Variants in CNTNAP5 observed in about 807,000 individuals in gnomAD.
CNTNAP5 encodes the protein contactin associated protein family member 5, also known as contactin-associated protein-like 5.
CNTNAP5 carries 72 observed loss-of-function variants against 150.2 expected under a neutral mutation model. The ratio of observed to expected loss-of-function variants is 0.48; its 90% CI spans 0.40 to 0.58. The LOEUF is 0.58. Among genes scored for constraint, CNTNAP5 ranks in the 20% least tolerant of loss-of-function variants. The pLI is 0.00. For synonymous variants in CNTNAP5, 672 were observed against 619.8 expected, an observed-to-expected ratio of 1.08 and a Z score of -1.25; for missense variants, 1,636 against 1,626.2, an observed-to-expected ratio of 1.01 and a Z score of -0.10.
intron 3 of CNTNAP5, among the ~76,000 whole-genome samples, chr2:124,295,551 T>C (rs1206091659): frequency 6.6e-6 from 1 of 152,122 alleles, no homozygotes; most frequent in Non-Finnish European, 1.5e-5. Context: ...GATCTTCTTC[T>C]GTCTGTGTAT....
intron 13 of CNTNAP5, among the ~76,000 whole-genome samples, chr2:124,712,692 A>T (rs750284860): frequency 6.6e-6 from 1 of 152,104 alleles, no homozygotes; most frequent in Non-Finnish European, 1.5e-5. Flanking sequence ...GTTCACTAAC[A>T]GTGCCTTCTT....
At chr2:124,316,655 A>C (rs1245396883) in intron 3 of CNTNAP5, among the ~76,000 whole-genome samples, 1 of 151,772 alleles carries the variant, frequency 6.6e-6, no homozygotes, top group Non-Finnish European at 1.5e-5. Flanking sequence ...AATACAAAAA[A>C]TTAGCCGGGA....
rs1324359711 is a variant in CNTNAP5, at chr2:124,390,448, C to T, written c.382-26995C>T. On this transcript the variant is annotated intron_variant, in intron 3 of 23. Coordinates refer to ENST00000682447, the MANE Select transcript of CNTNAP5 (RefSeq NM_001367498.1). ...CCTGTCCCTGCTTCTTTCAGTGGGACGTCACTGGCTAGCCCCAATCTGATA... is the reference window on the plus strand; with the variant it reads ...CCTGTCCCTGCTTCTTTCAGTGGGATGTCACTGGCTAGCCCCAATCTGATA... 3.3e-5 allele frequency among the ~76,000 whole-genome samples: 5 copies of T among 152,118 alleles called. No homozygotes were observed. In the East Asian group the frequency reaches 5.8e-4, roughly 18 times the overall value.
intron 21 of CNTNAP5, among the ~76,000 whole-genome samples, chr2:124,881,816 T>C (rs903059700): frequency 6.6e-6 from 1 of 152,124 alleles, no homozygotes; most frequent in Non-Finnish European, 1.5e-5. Context: ...TCAATATTCT[T>C]ATCACTCCCA....
intron 3 of CNTNAP5, among the ~76,000 whole-genome samples, chr2:124,299,753 A>C (rs888345770): frequency 2.6e-5 from 4 of 152,142 alleles, no homozygotes; most frequent in Non-Finnish European, 5.9e-5. Context: ...CCAAACTCTC[A>C]ATGTTGAATG....
At chr2:124,422,447 C>G (rs925189346) in intron 4 of CNTNAP5, among the ~76,000 whole-genome samples, 3 of 152,188 alleles carry the variant, frequency 2.0e-5, no homozygotes, top group Non-Finnish European at 4.4e-5. Flanking sequence ...CTTTATCAGT[C>G]TTGTATTTGT....
At chr2:124,071,705 T>C (rs1682308682) in intron 1 of CNTNAP5, among the ~76,000 whole-genome samples, 3 of 151,730 alleles carry the variant, frequency 2.0e-5, no homozygotes. Context: ...TAACAAGTAA[T>C]GAGATAGAAG....
intron 5 of CNTNAP5, among the ~76,000 whole-genome samples, chr2:124,444,687 G>A (rs932104843): frequency 6.6e-6 from 1 of 152,120 alleles, no homozygotes; most frequent in African/African-American, 2.4e-5. Context: ...CTTAAAAAAG[G>A]TGTAAACTGT....
chr2:124,282,650 G>C (rs1688042626), intron 3 of CNTNAP5, among the ~76,000 whole-genome samples: 1 of 150,422 alleles, frequency 6.6e-6, no homozygotes, highest in African/African-American at 2.4e-5. Context: ...ATGTTTCCAA[G>C]GCATACAAAG....
At chr2:124,386,760 T>C (rs1479841506) in intron 3 of CNTNAP5, among the ~76,000 whole-genome samples, 2 of 152,178 alleles carry the variant, frequency 1.3e-5, no homozygotes, top group South Asian at 2.1e-4. Flanking sequence ...TTTCTGATCA[T>C]GCTCTGTAGG....
rs112869072 is a variant in CNTNAP5 at position 124,075,271 on chromosome 2, T to C, written c.82+49539T>C. Among the ~76,000 whole-genome samples the C allele has an allele frequency of 3.4e-3, 510 of 152,226 alleles. 2 individuals are homozygous for C. The highest frequency in any genetic ancestry group is 0.011 in the African/African-American group (468 of 41,552). ...TACTACACAAAGCAGGCATCTTTTC[T>C]AATCCTTGGTGACCTGTCATACTCC... On this transcript the variant is annotated intron_variant, in intron 1 of 23. Coordinates refer to ENST00000682447, the MANE Select transcript of CNTNAP5 (RefSeq NM_001367498.1).
chr2:124,699,473 T>A (rs1253903128), intron 13 of CNTNAP5, among the ~76,000 whole-genome samples: 1 of 152,198 alleles, frequency 6.6e-6, no homozygotes, highest in African/African-American at 2.4e-5. Flanking sequence ...CATTCAATGC[T>A]GAGCGAGGTC....
At chr2:124,485,631 A>AAAAAAAAAAAAAAAAAAAAAAAG (rs1457112306) in intron 7 of CNTNAP5, among the ~76,000 whole-genome samples, 4 of 134,198 alleles carry the variant, frequency 3.0e-5, no homozygotes, top group African/African-American at 9.4e-5. Flanking sequence ...AAAAAAAAAA[A>AAAAAAAAAAAAAAAAAAAAAAAG]AAAGAAGAAG....
chr2:124,472,585 A>G (rs772927297), intron 6 of CNTNAP5, among the ~76,000 whole-genome samples: 2 of 151,106 alleles, frequency 1.3e-5, no homozygotes, highest in African/African-American at 4.8e-5. Flanking sequence ...AAATACATAT[A>G]TATCATATGA....
At chr2:124,362,146 C>T (rs539099874) in intron 3 of CNTNAP5, among the ~76,000 whole-genome samples, 3 of 152,330 alleles carry the variant, frequency 2.0e-5, no homozygotes, top group East Asian at 3.9e-4. Context: ...CCAAGTGAGG[C>T]AATGCCTCGC....
chr2:124,402,918 G>A (rs537823420), intron 3 of CNTNAP5, among the ~76,000 whole-genome samples: 4 of 152,144 alleles, frequency 2.6e-5, no homozygotes, highest in African/African-American at 7.2e-5. Flanking sequence ...TTCTATAAAC[G>A]CCTGTCTGAA....
chr2:124,258,443 G>A (rs1457489815), intron 3 of CNTNAP5, among the ~76,000 whole-genome samples: 1 of 152,152 alleles, frequency 6.6e-6, no homozygotes, highest in Non-Finnish European at 1.5e-5. Context: ...TGGGTTATGA[G>A]GATGCATTTG....
intron 3 of CNTNAP5, among the ~76,000 whole-genome samples, chr2:124,333,132 T>C (rs1689389690): frequency 6.6e-6 from 1 of 152,012 alleles, no homozygotes; most frequent in African/African-American, 2.4e-5. Context: ...GCCTGGCGCT[T>C]TGGCTCATGT....
intron 13 of CNTNAP5, among the ~76,000 whole-genome samples, chr2:124,735,107 C>A (rs1363855473): frequency 1.3e-5 from 2 of 152,128 alleles, no homozygotes; most frequent in Non-Finnish European, 1.5e-5. Flanking sequence ...AGAATTCTAG[C>A]TTTCCCCTCT....
Sources: gnomAD v4.1 joint callset for allele counts (sites outside exome capture counted in the v4.1 genomes callset) on GRCh38, gnomAD v4.1.1 for gene constraint, MANE v1.5 for transcripts, NCBI Gene and HGNC (gene_info 2026-07-23, HGNC 2026-07-21) for gene names.